STK33: variants seen among roughly 807,000 people sequenced by gnomAD.
The protein encoded by STK33 is serine/threonine kinase 33, also known as serine/threonine-protein kinase 33.
Under a neutral mutation model 58.0 loss-of-function variants are expected in STK33, and 52 were observed. The ratio of observed to expected loss-of-function variants is 0.90; its 90% CI spans 0.72 to 1.13. The LOEUF (loss-of-function observed/expected upper bound fraction) is 1.13. Ranked by LOEUF, STK33 falls within the 50% of genes most tolerant of loss-of-function variation. The pLI, the probability that STK33 is intolerant of heterozygous loss-of-function variation, is 0.00. For synonymous variants in STK33, 215 were observed against 200.1 expected (o/e 1.07, Z -0.63); for missense variants, 630 against 604.2 (o/e 1.04, Z -0.45).
intron 1 of STK33, among the ~76,000 whole-genome samples, chr11:8,529,697 T>C (rs536133387): frequency 6.6e-6 from 1 of 152,078 alleles, no homozygotes; most frequent in African/African-American, 2.4e-5. Context: ...AGTGATACAG[T>C]ATGAGAAAGA....
chr11:8,559,457 G>C (rs562503530), intron 1 of STK33, among the ~76,000 whole-genome samples: 106 of 152,268 alleles, frequency 7.0e-4, no homozygotes, highest in African/African-American at 2.5e-3. Context: ...TAGGAGAAAT[G>C]TCTGAACCGC....
chr11:8,449,253 T>C (rs2136787553), intron 11 of STK33, among the ~76,000 whole-genome samples: 1 of 151,648 alleles, frequency 6.6e-6, no homozygotes, highest in South Asian at 2.1e-4. Flanking sequence ...GAACTAGAAA[T>C]ACCATTTGAC....
At chr11:8,369,895 G>A in the STK33 span, among the ~76,000 whole-genome samples, 1 of 152,176 alleles carries the variant, frequency 6.6e-6, no homozygotes, top group Non-Finnish European at 1.5e-5. Context: ...GAACACTGTC[G>A]CCAACCTGCA....
intron 1 of STK33, among the ~76,000 whole-genome samples, chr11:8,563,604 C>T (rs931939046): frequency 6.6e-6 from 1 of 152,126 alleles, no homozygotes; most frequent in Non-Finnish European, 1.5e-5. Context: ...TTGTACTTTT[C>T]GGATTTCAAG....
intron 14 of STK33, among the ~76,000 whole-genome samples, chr11:8,428,031 C>A (rs375841008): frequency 6.6e-6 from 1 of 152,112 alleles, no homozygotes; most frequent in Admixed American, 6.5e-5. Context: ...TGGGGAAGAA[C>A]CTTAGACACC....
At chr11:8,534,664 TA>T (rs34519395) in intron 1 of STK33, among the ~76,000 whole-genome samples, 3 of 150,608 alleles carry the variant, frequency 2.0e-5, no homozygotes, top group African/African-American at 7.3e-5. Flanking sequence ...TTCTAAGGCA[TA>T]AAAAAATGGC....
the STK33 span, among the ~76,000 whole-genome samples, chr11:8,371,260 G>C: frequency 1.3e-5 from 2 of 152,098 alleles, no homozygotes; most frequent in African/African-American, 4.8e-5. Flanking sequence ...AATGACTGGT[G>C]TCCTTAGAGG....
chr11:8,556,409 G>A (rs1306627956), intron 1 of STK33, among the ~76,000 whole-genome samples: 1 of 152,144 alleles, frequency 6.6e-6, no homozygotes, highest in African/African-American at 2.4e-5. Flanking sequence ...CATCTTTTCA[G>A]TAACACAGCT....
At chr11:8,377,875 TACCTAGGAATATACTTA>T in the STK33 span, among the ~76,000 whole-genome samples, 1 of 152,030 alleles carries the variant, frequency 6.6e-6, no homozygotes, top group African/African-American at 2.4e-5. Context: ...AAAAATAAAA[TACCTAGGAATATACTTA>T]ACCAAGGAGG....
intron 1 of STK33, among the ~76,000 whole-genome samples, chr11:8,487,441 A>AGAG (rs1554965335): frequency 8.3e-6 from 1 of 120,790 alleles, no homozygotes; most frequent in East Asian, 2.5e-4. Flanking sequence ...AAAAAAAAAA[A>AGAG]AGAGAGAGAG....
At chr11:8,468,474 C>T (rs1352632910) in intron 6 of STK33, among the ~76,000 whole-genome samples, 1 of 152,180 alleles carries the variant, frequency 6.6e-6, no homozygotes, top group African/African-American at 2.4e-5. Flanking sequence ...ACTAATTACT[C>T]ACCTCCTTCA....
In STK33 at chr11:8,588,625, T is replaced by C. The variant is rs1289695918; in HGVS notation, c.-466+5458A>G. Among the ~76,000 whole-genome samples, 5 of 152,322 alleles carry C rather than the reference T, an allele frequency of 3.3e-5. No homozygotes were observed. In the East Asian group the frequency reaches 9.6e-4, roughly 29 times the overall value. On this transcript the variant is annotated intron_variant, in intron 1 of 15. Transcript: ENST00000687296. ...TTTATGACCTTGTATTAGGCAATAA[T>C]GTATTTTAGATATGGCACCTAAACC...
intron 1 of STK33, among the ~76,000 whole-genome samples, chr11:8,495,759 T>C (rs1951010366): frequency 6.6e-6 from 1 of 152,168 alleles, no homozygotes; most frequent in Admixed American, 6.6e-5. Flanking sequence ...CATAGAATAC[T>C]GTGCAACCAT....
intron 1 of STK33, among the ~76,000 whole-genome samples, chr11:8,564,774 C>G (rs984155831): frequency 1.3e-5 from 2 of 152,270 alleles, no homozygotes; most frequent in African/African-American, 2.4e-5. Context: ...TCTAGCGCCA[C>G]CATCAACATG....
rs1004445494 is a variant in STK33 at position 8,545,950 on chromosome 11, G to A, written c.-466+48133C>T. Among the ~76,000 whole-genome samples the A allele has an allele frequency of 4.5e-4, 68 of 152,308 alleles. 1 individual carries two copies. The highest frequency in any genetic ancestry group is 8.4e-4 in the Non-Finnish European group (57 of 68,008). On this transcript the variant is annotated intron_variant, in intron 1 of 15. Transcript: ENST00000687296. ...CCAACCTACTACACACACAGGCTAT[G>A]TGGTATAGCCTCTTGTTCCTAGGCT...
At chr11:8,537,560 TATG>T (rs1955133932) in intron 1 of STK33, among the ~76,000 whole-genome samples, 1 of 152,142 alleles carries the variant, frequency 6.6e-6, no homozygotes, top group Non-Finnish European at 1.5e-5. Context: ...TGGTTTTTGG[TATG>T]ATAAGTGATT....
the STK33 span, among the ~76,000 whole-genome samples, chr11:8,344,017 G>C: frequency 5.9e-5 from 9 of 152,200 alleles, no homozygotes; most frequent in Non-Finnish European, 1.2e-4. Flanking sequence ...AGTCCGCTCT[G>C]GTCCTTTTTC....
chr11:8,372,028 C>T, the STK33 span, among the ~76,000 whole-genome samples: 326 of 151,974 alleles, frequency 2.1e-3, 2 homozygotes, highest in African/African-American at 7.5e-3. Flanking sequence ...TGGACCCACA[C>T]CTAGCTAATA....
chr11:8,336,341 T>A, the STK33 span, among the ~76,000 whole-genome samples: 1 of 152,078 alleles, frequency 6.6e-6, no homozygotes, highest in African/African-American at 2.4e-5. Flanking sequence ...GGTGGGACAA[T>A]GGCAGCACAA....
Sources: allele counts gnomAD v4.1 joint callset (sites outside exome capture counted in the v4.1 genomes callset), GRCh38; gene constraint gnomAD v4.1.1; transcripts MANE v1.5; gene names NCBI Gene and HGNC (gene_info 2026-07-23, HGNC 2026-07-21).